MYO18B: variants seen among roughly 807,000 people sequenced by gnomAD.
The protein encoded by MYO18B is myosin XVIIIB.
A neutral mutation model predicts 273.0 loss-of-function variants in MYO18B; 204 were observed. The ratio of observed to expected loss-of-function variants is 0.75; its 90% CI spans 0.67 to 0.84. The LOEUF (loss-of-function observed/expected upper bound fraction) is 0.84. Among genes scored for constraint, MYO18B ranks in the 40% least tolerant of loss-of-function variants. The pLI, the probability that MYO18B is intolerant of heterozygous loss-of-function variation, is 0.00. For synonymous variants in MYO18B, 1,330 were observed against 1,305.7 expected, an observed-to-expected ratio of 1.02 and a Z score of -0.40; for missense variants, 3,212 against 3,287.6, an observed-to-expected ratio of 0.98 and a Z score of 0.56.
At chr22:25,771,600 T>G (rs555280824) in intron 6 of MYO18B, among the ~76,000 whole-genome samples, 1 of 152,158 alleles carries the variant, frequency 6.6e-6, no homozygotes, top group African/African-American at 2.4e-5. Context: ...TCCTCCTTGC[T>G]CATCTGCATT....
chr22:25,756,371 T>G (rs1225936421), intron 1 of MYO18B: 1 of 152,270 alleles, frequency 6.6e-6, no homozygotes, highest in Non-Finnish European at 1.5e-5. Flanking sequence ...AGAGCCGAAA[T>G]GCTCCTTGGA....
chr22:25,815,686 T>C (rs1314971509), intron 12 of MYO18B, among the ~76,000 whole-genome samples: 4 of 152,158 alleles, frequency 2.6e-5, no homozygotes, highest in Admixed American at 2.0e-4. Context: ...TCAAATTAGT[T>C]TGAGAGACAC....
chr22:25,838,451 C>T (rs199704469), intron 17 of MYO18B, among the ~76,000 whole-genome samples: 3 of 152,248 alleles, frequency 2.0e-5, no homozygotes, highest in African/African-American at 4.8e-5. Flanking sequence ...CCACCCGCCT[C>T]GGCCTCCCAA....
intron 25 of MYO18B, among the ~76,000 whole-genome samples, chr22:25,882,370 G>T (rs201755754): frequency 7.2e-6 from 1 of 138,704 alleles, no homozygotes; most frequent in Admixed American, 7.3e-5. Flanking sequence ...AAAAAAAAAA[G>T]AAACACCTGT....
At chr22:25,869,848 C>T (rs895124995) in intron 22 of MYO18B, among the ~76,000 whole-genome samples, 2 of 152,300 alleles carry the variant, frequency 1.3e-5, no homozygotes, top group South Asian at 2.1e-4. Context: ...AGGTATATGG[C>T]GGAACCTGTT....
intron 9 of MYO18B, among the ~76,000 whole-genome samples, chr22:25,780,482 C>T (rs1018612977): frequency 1.9e-4 from 28 of 150,296 alleles, no homozygotes; most frequent in African/African-American, 5.9e-4. Flanking sequence ...CTCAGCTACT[C>T]GGGAGGCTGA....
intron 40 of MYO18B, among the ~76,000 whole-genome samples, chr22:25,995,507 C>A (rs1430422012): frequency 2.6e-5 from 4 of 151,976 alleles, no homozygotes; most frequent in African/African-American, 9.7e-5. Context: ...ATCTCATGTA[C>A]CCCATAAATA....
intron 12 of MYO18B, among the ~76,000 whole-genome samples, chr22:25,807,640 T>A (rs940997950): frequency 6.6e-6 from 1 of 152,102 alleles, no homozygotes; most frequent in Non-Finnish European, 1.5e-5. Flanking sequence ...GGACTCCAAG[T>A]GCAAGTTTCC....
At chr22:25,992,625 C>A in intron 40 of MYO18B, 132 bp downstream of exon 40, 1 of 1,207,582 alleles carries the variant, frequency 8.3e-7, no homozygotes, top group East Asian at 2.5e-5. Flanking sequence ...GGAGGCACCC[C>A]TCGTTTACTT....
At position 25,894,084 on chromosome 22, in the gene MYO18B, T is replaced by C. The variant is rs564457182; in HGVS notation, c.4544-1072T>C. ...AGCATTTACTATATGCTAGGCATTA[T>C]AGCATATTCTAGGAACACAATGATG... is the stretch of plus-strand genomic sequence containing the variant. On this transcript the variant is annotated intron_variant, in intron 27 of 43. Transcript: ENST00000335473. 5.1e-4 allele frequency among the ~76,000 whole-genome samples: 78 copies of C among 152,350 alleles called. No homozygotes were observed. The South Asian group carries it at 0.016, about 31-fold the overall frequency.
At chr22:25,993,996 A>G (rs1054842358) in intron 40 of MYO18B, among the ~76,000 whole-genome samples, 1 of 152,112 alleles carries the variant, frequency 6.6e-6, no homozygotes, top group Admixed American at 6.5e-5. Flanking sequence ...TCTCTTTAGG[A>G]GATTTTGCTC....
rs533786099 is a variant in MYO18B, at chr22:25,937,724, T to C, written c.5518-8413T>C. Among the ~76,000 whole-genome samples the C allele has an allele frequency of 5.9e-5, 9 of 152,148 alleles. No individual in the cohort carries two copies. The South Asian group carries it at 1.7e-3, about 28-fold the overall frequency. On this transcript the variant is annotated intron_variant, in intron 34 of 43. Transcript: ENST00000335473. ...CCTCAGCCTCCCGAGTAGCTGGGATTACAGGCATGCACCACCGCGCCTGGC... is the reference window on the plus strand; with the variant it reads ...CCTCAGCCTCCCGAGTAGCTGGGATCACAGGCATGCACCACCGCGCCTGGC...
intron 39 of MYO18B, among the ~76,000 whole-genome samples, chr22:25,968,093 TGACAAACA>T (rs2146718748): frequency 6.6e-6 from 1 of 152,272 alleles, no homozygotes; most frequent in East Asian, 1.9e-4. Context: ...AGAGTTAGGC[TGACAAACA>T]GCAAGGCTAT....
intron 1 of MYO18B, among the ~76,000 whole-genome samples, chr22:25,753,704 G>A (rs908489680): frequency 6.6e-6 from 1 of 152,154 alleles, no homozygotes; most frequent in East Asian, 1.9e-4. Context: ...AACTCCAGAC[G>A]CGGTGCCTTT....
intron 22 of MYO18B, among the ~76,000 whole-genome samples, chr22:25,873,257 G>C (rs5761291): frequency 1.3e-5 from 2 of 152,148 alleles, no homozygotes; most frequent in African/African-American, 4.8e-5. Flanking sequence ...GAGTGCTGCA[G>C]AGGCCATCAT....
At chr22:25,826,715 A>G (rs1246941723) in intron 14 of MYO18B, among the ~76,000 whole-genome samples, 1 of 152,196 alleles carries the variant, frequency 6.6e-6, no homozygotes, top group Non-Finnish European at 1.5e-5. Flanking sequence ...TCTGTACAAT[A>G]GCTCTCTTCC....
At chr22:25,752,910 C>G (rs906304600) in intron 1 of MYO18B, among the ~76,000 whole-genome samples, 4 of 152,160 alleles carry the variant, frequency 2.6e-5, no homozygotes, top group African/African-American at 4.8e-5. Context: ...CCGGCTCGCG[C>G]CGCTAGCCCC....
At chr22:25,807,107 A>G (rs2145808543) in intron 12 of MYO18B, among the ~76,000 whole-genome samples, 1 of 152,352 alleles carries the variant, frequency 6.6e-6, no homozygotes. Context: ...TGTTAAACCC[A>G]TTTGGTGAGT....
At chr22:26,047,895 C>T in the MYO18B span, among the ~76,000 whole-genome samples, 4 of 152,150 alleles carry the variant, frequency 2.6e-5, no homozygotes, top group Non-Finnish European at 4.4e-5. Flanking sequence ...ACACCATGTT[C>T]CTTTCATTCT....
Sources: gnomAD v4.1 joint callset for allele counts (sites outside exome capture counted in the v4.1 genomes callset) on GRCh38, gnomAD v4.1.1 for gene constraint, MANE v1.5 for transcripts, NCBI Gene and HGNC (gene_info 2026-07-23, HGNC 2026-07-21) for gene names.